DLG5: variants seen among roughly 807,000 people sequenced by gnomAD.
DLG5 encodes the protein discs large MAGUK scaffold protein 5.
DLG5 carries 48 observed loss-of-function variants against 189.8 expected under a neutral mutation model. The observed-to-expected ratio is 0.25, with a 90% CI of 0.20 to 0.32. The LOEUF (loss-of-function observed/expected upper bound fraction) is 0.32. Among genes scored for constraint, DLG5 ranks in the 10% least tolerant of loss-of-function variants. The pLI, the probability that DLG5 is intolerant of heterozygous loss-of-function variation, is 1.00. For missense variants in DLG5, 2,160 were observed against 2,544.7 expected, an observed-to-expected ratio of 0.85 and a Z score of 3.25; for synonymous variants, 1,016 against 1,054.1, an observed-to-expected ratio of 0.96 and a Z score of 0.70.
upstream of DLG5, chr10:77,926,954 G>A (rs543644149): frequency 7.9e-6 from 3 of 379,320 alleles, no homozygotes; most frequent in African/African-American, 4.4e-5. This position sits in a 1 kb window ranked among gnomAD's most constrained non-coding sequence, Gnocchi z 5.2. Context: ...TACAACTCCC[G>A]GGAGAAAGTC....
the DLG5 span, among the ~76,000 whole-genome samples, chr10:77,933,063 G>A: frequency 6.6e-6 from 1 of 151,786 alleles, no homozygotes; most frequent in Non-Finnish European, 1.5e-5. Flanking sequence ...TGCAAGCACA[G>A]TGCTGTCTGG....
At chr10:77,856,705 G>A (rs748211231) in intron 3 of DLG5, 25 bp downstream of exon 3, 3 of 1,607,932 alleles carry the variant, frequency 1.9e-6, no homozygotes, top group Non-Finnish European at 2.6e-6. Flanking sequence ...TGGGGCCTGG[G>A]CAGGGGAGAC....
intron 5 of DLG5, among the ~76,000 whole-genome samples, chr10:77,844,533 A>C (rs762675005): frequency 6.6e-6 from 1 of 152,140 alleles, no homozygotes; most frequent in Non-Finnish European, 1.5e-5. Context: ...GTGACCCTCC[A>C]TGGTGTAGGG....
At chr10:77,810,918 G>C (rs904381365) in intron 23 of DLG5, among the ~76,000 whole-genome samples, 176 bp downstream of exon 23, 8 of 152,226 alleles carry the variant, frequency 5.3e-5, no homozygotes, top group Non-Finnish European at 2.9e-5. Flanking sequence ...GAAAGGAAAA[G>C]AGAGAGTAGG....
chr10:77,836,853 G>T lies in DLG5; in HGVS notation c.1438-931C>A, dbSNP rs1843163561. ...TTGATTTTTTTTTCAGCTTTACATG[G>T]TATGCTGTGTTTGTTTAGTTTGCTA... On this transcript the variant is annotated intron_variant, in intron 7 of 31. Transcript: ENST00000372391. Among the ~76,000 whole-genome samples, 3 of 151,412 alleles carry T rather than the reference G, an allele frequency of 2.0e-5. No homozygotes were observed. The South Asian group carries it at 6.3e-4, about 32-fold the overall frequency.
At chr10:77,810,973 C>G (rs892426921) in intron 23 of DLG5, 121 bp downstream of exon 23, 14 of 1,263,714 alleles carry the variant, frequency 1.1e-5, no homozygotes, top group Non-Finnish European at 1.5e-5. Flanking sequence ...CTCCTGAAGA[C>G]CTGGTGTGCG....
intron 1 of DLG5, among the ~76,000 whole-genome samples, chr10:77,906,599 C>T (rs986546620): frequency 2.0e-5 from 3 of 149,598 alleles, no homozygotes; most frequent in African/African-American, 7.4e-5. Flanking sequence ...GGATGGGCAG[C>T]AACAGTGCTG....
intron 2 of DLG5, among the ~76,000 whole-genome samples, chr10:77,859,618 T>G (rs1844394697): frequency 6.6e-6 from 1 of 152,236 alleles, no homozygotes; most frequent in South Asian, 2.1e-4. Flanking sequence ...GGCCATATCG[T>G]GTAGCCTAGG....
At chr10:77,812,580 C>T (rs542038556) in intron 20 of DLG5, among the ~76,000 whole-genome samples, 38 of 152,288 alleles carry the variant, frequency 2.5e-4, no homozygotes, top group Non-Finnish European at 4.4e-4. Flanking sequence ...TCACGCAACA[C>T]GAGCACAGCA....
At chr10:77,857,787 C>G (rs1415419450) in intron 2 of DLG5, among the ~76,000 whole-genome samples, 1 of 152,162 alleles carries the variant, frequency 6.6e-6, no homozygotes, top group Non-Finnish European at 1.5e-5. Context: ...CTCAATCAAC[C>G]CTTAGAGACC....
At chr10:77,832,966 G>A (rs1184471077) in intron 9 of DLG5, among the ~76,000 whole-genome samples, 2 of 152,070 alleles carry the variant, frequency 1.3e-5, no homozygotes, top group African/African-American at 4.8e-5. Flanking sequence ...TACTGAATGG[G>A]AAAGAAGAGA....
In DLG5 at chr10:77,816,857, C is replaced by G. The variant is rs1211107467; in HGVS notation, c.3874+150G>C. On this transcript the variant is annotated intron_variant, in intron 19 of 31. Transcript: ENST00000372391. ...CTAGGCTCTGCATTGCCCCCTACCC[C>G]CCACACCACCAGGCCTACTGCTGGG... 20 of 1,332,322 alleles carry G rather than the reference C, an allele frequency of 1.5e-5. No individual in the cohort carries two copies. In the East Asian group the frequency reaches 1.9e-4, roughly 13 times the overall value. The allele number at this position is 1,332,322 out of a possible 1,614,324, so 82.5% of individuals were successfully genotyped here.
chr10:77,894,711 G>T (rs1197515310), intron 1 of DLG5, among the ~76,000 whole-genome samples: 1 of 151,858 alleles, frequency 6.6e-6, no homozygotes, highest in Non-Finnish European at 1.5e-5. Flanking sequence ...AACCTTTTCT[G>T]CTCCCTGATT....
chr10:77,872,273 GTC>G (rs1292726988), intron 1 of DLG5, among the ~76,000 whole-genome samples: 1 of 152,112 alleles, frequency 6.6e-6, no homozygotes, highest in Non-Finnish European at 1.5e-5. Context: ...TCTTCAAATC[GTC>G]TCTCTCCTCC....
intron 2 of DLG5, 63 bp from the exon 3 acceptor site, chr10:77,856,955 T>C: frequency 1.3e-6 from 2 of 1,496,458 alleles, no homozygotes; most frequent in Admixed American, 2.1e-5. Flanking sequence ...CGCCCGGTGC[T>C]GTCCTGAGCT....
At chr10:77,815,274 T>G (rs1268515) in intron 20 of DLG5, among the ~76,000 whole-genome samples, 38,406 of 152,218 alleles carry the variant, frequency 0.25, 5,435 homozygotes, top group Admixed American at 0.39. Flanking sequence ...ATTCCCCTAC[T>G]GGGGCCAGGC....
chr10:77,884,648 C>T (rs1412082147), intron 1 of DLG5, among the ~76,000 whole-genome samples: 4 of 152,124 alleles, frequency 2.6e-5, no homozygotes, highest in East Asian at 1.9e-4. Flanking sequence ...ACTCAAGGAG[C>T]GCTCAGGGAA....
At chr10:77,887,578 T>G (rs957365987) in intron 1 of DLG5, among the ~76,000 whole-genome samples, 1 of 152,198 alleles carries the variant, frequency 6.6e-6, no homozygotes, top group African/African-American at 2.4e-5. Context: ...ATTGAATCTG[T>G]AGCCTGTGTG....
chr10:77,916,093 G>A lies in DLG5; in HGVS notation c.304+10124C>T, dbSNP rs79614244. On this transcript the variant is annotated intron_variant, in intron 1 of 31. Coordinates refer to ENST00000372391, the MANE Select transcript of DLG5 (RefSeq NM_004747.4). ...AAATTAGCTGGGCATGGTGGCACAC[G>A]CCTGTAGTACCAACTACTCAGGAGG... Among the ~76,000 whole-genome samples, 108 of 152,114 alleles carry A rather than the reference G, an allele frequency of 7.1e-4. 1 individual carries two copies. The East Asian group carries it at 0.016, about 22-fold the overall frequency.
Sources: gnomAD v4.1 joint callset for allele counts (sites outside exome capture counted in the v4.1 genomes callset) on GRCh38, gnomAD v4.1.1 for gene constraint, Gnocchi (gnomAD v3.1) non-coding constraint, MANE v1.5 for transcripts, NCBI Gene and HGNC (gene_info 2026-07-23, HGNC 2026-07-21) for gene names.